Variants in ARHGEF33 observed in about 807,000 individuals in gnomAD.
The protein encoded by ARHGEF33 is DH and coiled-coil domain-containing protein ENSP00000381780.
A neutral mutation model predicts 101.9 loss-of-function variants in ARHGEF33; 72 were observed. The ratio of observed to expected loss-of-function variants is 0.71; its 90% CI spans 0.58 to 0.86. ARHGEF33 has a LOEUF of 0.86. Among genes scored for constraint, ARHGEF33 ranks in the 40% least tolerant of loss-of-function variants. The pLI is 0.00. For missense variants in ARHGEF33, 1,169 were observed against 1,111.3 expected (o/e 1.05, Z -0.74); for synonymous variants, 499 against 442.5 (o/e 1.13, Z -1.60).
At chr2:38,897,944 G>A (rs1047120257) in intron 2 of ARHGEF33, among the ~76,000 whole-genome samples, 2 of 152,182 alleles carry the variant, frequency 1.3e-5, no homozygotes, top group African/African-American at 4.8e-5. Flanking sequence ...TATGTGCATG[G>A]GAGTGACTAA....
intron 2 of ARHGEF33, among the ~76,000 whole-genome samples, chr2:38,905,461 C>T (rs1370031516): frequency 6.6e-6 from 1 of 152,186 alleles, no homozygotes; most frequent in Admixed American, 6.5e-5. Flanking sequence ...AAATTTTAGC[C>T]TCAGCATTTT....
intron 16 of ARHGEF33, 57 bp downstream of exon 16, chr2:38,960,705 A>G: frequency 8.0e-7 from 1 of 1,243,968 alleles, no homozygotes. Context: ...CTAGATCTGC[A>G]GGAAGCATCC....
chr2:38,937,314 C>CGGGGGGGGGGGGGG, intron 8 of ARHGEF33, 21 bp from the exon 9 acceptor site: 1 of 281,682 alleles, frequency 3.6e-6, no homozygotes. Flanking sequence ...TGTTTCCCCG[C>CGGGGGGGGGGGGGG]CCCTCCCCCC....
chr2:38,962,831 G>A (rs1333391323), intron 16 of ARHGEF33, among the ~76,000 whole-genome samples: 2 of 120,170 alleles, frequency 1.7e-5, no homozygotes, highest in African/African-American at 6.3e-5. Context: ...TGGTCAACAC[G>A]GTGAAACCCC....
chr2:38,943,400 C>T (rs1482906985), intron 9 of ARHGEF33, among the ~76,000 whole-genome samples: 1 of 152,182 alleles, frequency 6.6e-6, no homozygotes, highest in East Asian at 1.9e-4. Flanking sequence ...AGTATGAAGC[C>T]TTCCCTGAGT....
At chr2:38,948,155 C>T (rs1333596261) in intron 10 of ARHGEF33, among the ~76,000 whole-genome samples, 1 of 152,058 alleles carries the variant, frequency 6.6e-6, no homozygotes, top group East Asian at 1.9e-4. Context: ...TTCTGGGCGT[C>T]AGGTCTGGCG....
At chr2:38,935,720 G>A (rs1667112847) in intron 7 of ARHGEF33, 55 bp from the exon 8 acceptor site, 1 of 1,446,364 alleles carries the variant, frequency 6.9e-7, no homozygotes, top group Non-Finnish European at 9.5e-7. Context: ...CGTGGAAGGT[G>A]CTTAGTCCAT....
chr2:38,962,425 TATATC>T (rs1667964852), intron 16 of ARHGEF33, among the ~76,000 whole-genome samples: 1 of 152,174 alleles, frequency 6.6e-6, no homozygotes, highest in Admixed American at 6.5e-5. Flanking sequence ...TAATCAGAAA[TATATC>T]TGAGAAGCAA....
At chr2:38,912,776 G>A (rs977303558) in intron 2 of ARHGEF33, among the ~76,000 whole-genome samples, 4 of 152,176 alleles carry the variant, frequency 2.6e-5, no homozygotes, top group African/African-American at 7.2e-5. Context: ...GGACCTGCCC[G>A]AATTACAATT....
intron 16 of ARHGEF33, among the ~76,000 whole-genome samples, chr2:38,961,814 G>C (rs764404072): frequency 1.3e-5 from 2 of 151,818 alleles, no homozygotes; most frequent in African/African-American, 4.8e-5. Context: ...GTCAGAGAAG[G>C]CCTCCTAGAT....
At chr2:38,954,302 G>A in intron 12 of ARHGEF33, 71 bp from the exon 13 acceptor site, 1 of 869,712 alleles carries the variant, frequency 1.1e-6, no homozygotes, top group South Asian at 1.5e-5. Flanking sequence ...TACCCTGGTG[G>A]GACTGATTCG....
chr2:38,956,005 A>G (rs1178256264), intron 13 of ARHGEF33, among the ~76,000 whole-genome samples: 1 of 152,150 alleles, frequency 6.6e-6, no homozygotes, highest in Non-Finnish European at 1.5e-5. Flanking sequence ...TTTAGATCCT[A>G]AAAGCATTTT....
rs1204174312 is a variant in ARHGEF33 at position 38,974,893 on chromosome 2, TG to T, written c.*1052del. On this transcript the variant is annotated 3_prime_UTR_variant, in exon 18 of 18. Coordinates refer to ENST00000409978, the MANE Select transcript of ARHGEF33 (RefSeq NM_001145451.5). ...GAATCAGATTGCAACGAGGCCTGCC[TG>T]GCTCTGGGGTGATAAAATGTGCTCT... 3 of 152,194 alleles carry T rather than the reference TG, an allele frequency of 2.0e-5. No individual in the cohort carries two copies. In the East Asian group the frequency reaches 5.8e-4, roughly 29 times the overall value. 9.4% of individuals were successfully genotyped at this position (152,194 alleles called of 1,614,324 possible).
chr2:38,889,884 G>T lies in ARHGEF33; in HGVS notation c.-261G>T, dbSNP rs916673485. On this transcript the variant is annotated 5_prime_UTR_variant, in exon 1 of 18. Coordinates refer to ENST00000409978, the MANE Select transcript of ARHGEF33 (RefSeq NM_001145451.5). ...AGCATACTACGGTCTCGTTTCAGGG[G>T]AAGTCAAGCCTCTCTACTGCTTCTT... is the stretch of plus-strand genomic sequence containing the variant. The T allele has an allele frequency of 8.5e-6, 4 of 470,680 alleles. No individual in the cohort carries two copies. Among genetic ancestry groups the T allele is most frequent in the African/African-American group, 6.0e-5 (3 of 50,060 alleles). 29.2% of individuals were successfully genotyped at this position (470,680 alleles called of 1,614,324 possible). A position where few individuals can be genotyped will look rare whatever the true frequency, so the allele number is the denominator to read the frequency against.
At chr2:38,964,218 A>T (rs1272940693) in intron 16 of ARHGEF33, among the ~76,000 whole-genome samples, 1 of 152,140 alleles carries the variant, frequency 6.6e-6, no homozygotes, top group Non-Finnish European at 1.5e-5. Flanking sequence ...GCTTTGTGGC[A>T]GTCTCATGAT....
chr2:38,904,466 G>A (rs1666342281), intron 2 of ARHGEF33, among the ~76,000 whole-genome samples: 1 of 152,114 alleles, frequency 6.6e-6, no homozygotes, highest in Non-Finnish European at 1.5e-5. Flanking sequence ...AGCACTTTGG[G>A]TGGCTGAGGC....
chr2:38,942,254 G>A (rs1441356288), intron 9 of ARHGEF33, among the ~76,000 whole-genome samples: 3 of 140,206 alleles, frequency 2.1e-5, no homozygotes, highest in Non-Finnish European at 4.5e-5. Flanking sequence ...TGCCACCTCT[G>A]CCTCCCGGGT....
At chr2:38,926,427 A>G (rs1666870368) in intron 4 of ARHGEF33, among the ~76,000 whole-genome samples, 1 of 152,200 alleles carries the variant, frequency 6.6e-6, no homozygotes, top group Non-Finnish European at 1.5e-5. Flanking sequence ...TAGGGGCTAA[A>G]GATACTAAGA....
intron 17 of ARHGEF33, among the ~76,000 whole-genome samples, chr2:38,972,145 A>G (rs1214799235): frequency 2.0e-5 from 3 of 152,198 alleles, no homozygotes; most frequent in Non-Finnish European, 1.5e-5. Flanking sequence ...TCCTGCCCCT[A>G]AAACATAGGC....
Sources: allele counts gnomAD v4.1 joint callset (sites outside exome capture counted in the v4.1 genomes callset), GRCh38; gene constraint gnomAD v4.1.1; transcripts MANE v1.5; gene names NCBI Gene and HGNC (gene_info 2026-07-23, HGNC 2026-07-21).